YLPM1: variants seen among roughly 807,000 people sequenced by gnomAD.
YLPM1 encodes the protein YLP motif containing 1.
In YLPM1, 99 loss-of-function variants were observed where a neutral mutation model predicts 230.0. The observed-to-expected ratio is 0.43, with a 90% CI of 0.37 to 0.51. YLPM1 has a LOEUF of 0.51. Ranked by LOEUF, YLPM1 falls within the 20% of genes least tolerant of loss-of-function variation. YLPM1 has a pLI of 0.00. For synonymous variants in YLPM1, 984 were observed against 942.5 expected (o/e 1.04, Z -0.81); for missense variants, 2,592 against 2,707.7 (o/e 0.96, Z 0.95).
At chr14:74,788,445 T>C (rs2091171003) in intron 4 of YLPM1, among the ~76,000 whole-genome samples, 2 of 152,178 alleles carry the variant, frequency 1.3e-5, no homozygotes, top group African/African-American at 4.8e-5. Context: ...TTTTAGCAAA[T>C]TGAGATGGTC....
At chr14:74,783,107 C>G (rs1594815768) in intron 4 of YLPM1, among the ~76,000 whole-genome samples, 1 of 152,114 alleles carries the variant, frequency 6.6e-6, no homozygotes, top group African/African-American at 2.4e-5. Flanking sequence ...GTTTTTCACC[C>G]AGGCTAGTGT....
intron 19 of YLPM1, among the ~76,000 whole-genome samples, chr14:74,829,596 T>C (rs1465358726): frequency 6.6e-6 from 1 of 152,140 alleles, no homozygotes; most frequent in Non-Finnish European, 1.5e-5. Flanking sequence ...GAGTGGCCAG[T>C]CACTTGTGCT....
At chr14:74,835,067 G>C in intron 19 of YLPM1, 198 bp from the exon 20 acceptor site, 1 of 596,220 alleles carries the variant, frequency 1.7e-6, no homozygotes, top group East Asian at 2.9e-5. Flanking sequence ...GGAATGGTTA[G>C]GACTTGGATT....
intron 18 of YLPM1, among the ~76,000 whole-genome samples, chr14:74,826,109 A>G (rs953868063): frequency 2.0e-5 from 3 of 152,176 alleles, no homozygotes; most frequent in African/African-American, 7.2e-5. Context: ...TAGGAAATAA[A>G]TTTTAACATA....
At chr14:74,830,669 G>T (rs544047020) in intron 19 of YLPM1, among the ~76,000 whole-genome samples, 1 of 152,310 alleles carries the variant, frequency 6.6e-6, no homozygotes, top group South Asian at 2.1e-4. Context: ...CATGGTGCTA[G>T]CATCAGCTCC....
At chr14:74,796,968 CTTTTT>C (rs3083626) in intron 4 of YLPM1, among the ~76,000 whole-genome samples, 19 of 88,952 alleles carry the variant, frequency 2.1e-4, no homozygotes, top group African/African-American at 7.0e-4. Context: ...TTTATAATTG[CTTTTT>C]TTTTTTTTTT....
intron 4 of YLPM1, among the ~76,000 whole-genome samples, chr14:74,784,514 A>G (rs1398494783): frequency 6.6e-6 from 1 of 152,244 alleles, no homozygotes; most frequent in Non-Finnish European, 1.5e-5. Flanking sequence ...GTAAATGGTC[A>G]AGATGAGATT....
intron 4 of YLPM1, among the ~76,000 whole-genome samples, chr14:74,789,260 C>G (rs1413137453): frequency 6.6e-6 from 1 of 152,196 alleles, no homozygotes; most frequent in African/African-American, 2.4e-5. Flanking sequence ...GAGTCTCAGT[C>G]TGTCACCCAG....
intron 6 of YLPM1, among the ~76,000 whole-genome samples, chr14:74,807,275 A>G (rs574589984): frequency 6.6e-6 from 1 of 152,328 alleles, no homozygotes; most frequent in South Asian, 2.1e-4. Context: ...ACATCCTAGA[A>G]TAACAGAGAA....
Position 74,781,381 on chromosome 14 carries a change from A to G in YLPM1, c.1338A>G (p.Gln446=), listed in dbSNP as rs2091090128. ...MQLRHYEMQQ[Q]QFQHLYQEWE... is the part of the protein sequence containing the mutation. Reference sequence around the variant, plus strand: ...TGCGGCATTATGAGATGCAGCAGCAACAGTTTCAACATCTTTACCAAGAAT... The same window carrying G: ...TGCGGCATTATGAGATGCAGCAGCAGCAGTTTCAACATCTTTACCAAGAAT... Residue 446 remains glutamine (Q), a synonymous_variant, in exon 4 of 21, where the codon CAA becomes CAG. Transcript: ENST00000325680. The G allele has an allele frequency of 1.9e-6, 3 of 1,587,812 alleles. No homozygotes were observed. The highest frequency in any genetic ancestry group is 1.3e-5 in the African/African-American group (1 of 74,464).
Position 74,818,216 on chromosome 14 carries a change from T to G in YLPM1, c.5947-15T>G, listed in dbSNP as rs777041995. 1.3e-6 allele frequency: 2 copies of G among 1,587,414 alleles called. No individual in the cohort carries two copies. The highest frequency in any genetic ancestry group is 1.7e-6 in the Non-Finnish European group (2 of 1,166,638). The stretch of plus-strand genomic sequence containing the variant: ...AGTTTCTAGAGATAACTCAACCATC[T>G]GAATTTTTCAATAGATGGCTGATCA... On this transcript the variant is annotated splice_polypyrimidine_tract_variant and intron_variant, in intron 15 of 20. Coordinates refer to ENST00000325680, the MANE Select transcript of YLPM1 (RefSeq NM_019589.3).
chr14:74,798,316 G>T lies in YLPM1; in HGVS notation c.3019G>T (p.Asp1007Tyr), dbSNP rs1251367389. ...AGGCCTGCCTCGGCCAGATAATAGAGATAATAGATTAGAAGGCAATAGAGG... is the reference window on the plus strand; with the variant it reads ...AGGCCTGCCTCGGCCAGATAATAGATATAATAGATTAGAAGGCAATAGAGG... ...DKGLPRPDNR[D>Y]NRLEGNRGNS... The change falls in exon 5 of 21, where the codon GAT (aspartate) becomes TAT (tyrosine). Residue 1007 changes from aspartate to tyrosine, a missense_variant. Transcript: ENST00000325680. 6.2e-7 allele frequency: 1 copy of T among 1,613,910 alleles called. No homozygotes were observed. Among genetic ancestry groups the T allele is most frequent in the Non-Finnish European group, 8.5e-7 (1 of 1,179,878 alleles).
At chr14:74,808,662 G>A (rs2091402340) in intron 6 of YLPM1, among the ~76,000 whole-genome samples, 1 of 152,056 alleles carries the variant, frequency 6.6e-6, no homozygotes, top group African/African-American at 2.4e-5. Flanking sequence ...AAATCAGCTG[G>A]GCGTGGTGGC....
intron 4 of YLPM1, among the ~76,000 whole-genome samples, chr14:74,796,819 C>T (rs1402128305): frequency 6.7e-6 from 1 of 150,244 alleles, no homozygotes; most frequent in Non-Finnish European, 1.5e-5. Context: ...TTATAATCAT[C>T]CTATATTTTC....
At chr14:74,804,160 T>TCAAAA (rs907987166) in intron 6 of YLPM1, among the ~76,000 whole-genome samples, 7 of 151,982 alleles carry the variant, frequency 4.6e-5, no homozygotes, top group South Asian at 2.1e-4. Context: ...CATCTCAAAA[T>TCAAAA]CAAAACAAAA....
Position 74,764,243 on chromosome 14 carries a change from GC to G in YLPM1, c.761del (p.Pro254LeufsTer35). On this transcript the variant is annotated frameshift_variant, in exon 1 of 21. Coordinates refer to ENST00000325680, the MANE Select transcript of YLPM1 (RefSeq NM_019589.3). LOFTEE classifies it high-confidence loss of function. Reference sequence around the variant, plus strand: ...ACTACTAGCTCCACCACCACCGTCCGCCCCCCCTGGAAATAAGACAACTGTC... The same window carrying G: ...ACTACTAGCTCCACCACCACCGTCCGCCCCCCTGGAAATAAGACAACTGTC... ...SQLLAPPPPS[A>X]PPGNKTTVQQ... is the part of the protein sequence containing the mutation. 1 of 1,613,110 alleles carries G rather than the reference GC, an allele frequency of 6.2e-7. No homozygotes were observed. Among genetic ancestry groups the G allele is most frequent in the Non-Finnish European group, 8.5e-7 (1 of 1,179,692 alleles).
intron 1 of YLPM1, 113 bp from the exon 2 acceptor site, chr14:74,778,334 T>C (rs1251596431): frequency 1.1e-6 from 1 of 928,856 alleles, no homozygotes; most frequent in Non-Finnish European, 1.6e-6. Context: ...TAGCTTTGCC[T>C]TTTTTTACAT....
Position 74,816,977 on chromosome 14 carries a change from C to T in YLPM1, c.5732C>T (p.Thr1911Ile). The T allele has an allele frequency of 1.9e-6, 3 of 1,606,364 alleles. No homozygotes were observed. Among genetic ancestry groups the T allele is most frequent in the Non-Finnish European group, 2.5e-6 (3 of 1,177,404 alleles). ...GCTGAGATGGAGGAGACTTACCGCA[C>T]CAGCATGTTCAAAACTTTCAAAAAG... Reference protein sequence around the residue: ...YEAEMEETYRTSMFKTFKKTL... With the variant: ...YEAEMEETYRISMFKTFKKTL... The change falls in exon 14 of 21, where the codon ACC (threonine) becomes ATC (isoleucine). Residue 1911 changes from threonine to isoleucine, a missense_variant. Physicochemically the swap from Thr to Ile is moderately conservative, Grantham distance 89. This residue lies in a region of YLPM1 where 315 missense variants were observed against 429.3 expected (regional missense o/e 0.73). Transcript: ENST00000325680.
chr14:74,812,770 C>G lies in YLPM1; in HGVS notation c.5490C>G (p.Ser1830Arg). The change falls in exon 11 of 21, where the codon AGC (serine) becomes AGG (arginine). Residue 1830 changes from serine to arginine, a missense_variant. Around this residue, in one of 4 missense-constraint regions of YLPM1, gnomAD observed 315 missense variants for 429.3 expected, o/e 0.73. Coordinates refer to ENST00000325680, the MANE Select transcript of YLPM1 (RefSeq NM_019589.3). ...TTTTGAAACCACCGGGCCGGGAGAG[C>G]AGACCTGAGAGAGTGAGTCCTATGA... is the stretch of plus-strand genomic sequence containing the variant. ...DDILKPPGRE[S>R]RPERIVVIMR... The G allele has an allele frequency of 6.2e-7, 1 of 1,613,364 alleles. No homozygotes were observed. Among genetic ancestry groups the G allele is most frequent in the Non-Finnish European group, 8.5e-7 (1 of 1,179,582 alleles).
Sources: allele counts gnomAD v4.1 joint callset (sites outside exome capture counted in the v4.1 genomes callset), GRCh38; gene constraint gnomAD v4.1.1; regional missense constraint gnomAD v4.1.1; transcripts MANE v1.5; gene names NCBI Gene and HGNC (gene_info 2026-07-23, HGNC 2026-07-21).